MAGI2: variants seen among roughly 807,000 people sequenced by gnomAD.
MAGI2 encodes membrane associated guanylate kinase, WW and PDZ domain containing 2.
In MAGI2, 35 loss-of-function variants were observed where a neutral mutation model predicts 133.3. That is an observed-to-expected ratio of 0.26 (90% CI 0.20 to 0.35). The LOEUF (loss-of-function observed/expected upper bound fraction) is 0.35. Among genes scored for constraint, MAGI2 ranks in the 10% least tolerant of loss-of-function variants. The pLI is 1.00. For missense variants in MAGI2, 1,636 were observed against 1,863.4 expected, an observed-to-expected ratio of 0.88 and a Z score of 2.25; for synonymous variants, 729 against 710.6, an observed-to-expected ratio of 1.03 and a Z score of -0.41.
intron 1 of MAGI2, among the ~76,000 whole-genome samples, chr7:79,437,122 C>A (rs1380418983): frequency 1.3e-5 from 2 of 152,046 alleles, no homozygotes; most frequent in African/African-American, 4.8e-5. Context: ...CATATTATCA[C>A]TTATAAGTGG....
intron 2 of MAGI2, among the ~76,000 whole-genome samples, chr7:78,702,969 T>C (rs1006876067): frequency 3.3e-5 from 5 of 151,920 alleles, no homozygotes; most frequent in Non-Finnish European, 7.4e-5. Flanking sequence ...CAAGAAGAGT[T>C]TGTGGAGAAA....
At chr7:78,999,733 G>T (rs1806667277) in intron 2 of MAGI2, among the ~76,000 whole-genome samples, 2 of 152,106 alleles carry the variant, frequency 1.3e-5, no homozygotes, top group African/African-American at 4.8e-5. Flanking sequence ...CCTTGGTCTA[G>T]CCTCCCAGGC....
rs114255495 is a variant in MAGI2, at chr7:78,677,122, T to C, written c.419-49883A>G. Among the ~76,000 whole-genome samples, 747 of 152,198 alleles carry C rather than the reference T, an allele frequency of 4.9e-3. 13 individuals carry two copies. Among genetic ancestry groups the C allele is most frequent in the African/African-American group, 0.017 (702 of 41,558 alleles). ...TTAAAAGTAGATTGACAGGAAAATG[T>C]AAGTTGAGGTCCATTACATAGGGCC... On this transcript the variant is annotated intron_variant, in intron 2 of 21. Transcript: ENST00000354212.
intron 2 of MAGI2, among the ~76,000 whole-genome samples, chr7:78,932,866 T>C (rs1800240801): frequency 6.6e-6 from 1 of 152,144 alleles, no homozygotes; most frequent in Non-Finnish European, 1.5e-5. Flanking sequence ...CTTCATGTTA[T>C]TGACCAGGAA....
chr7:78,257,710 A>G (rs565277417), intron 9 of MAGI2, among the ~76,000 whole-genome samples: 3 of 152,176 alleles, frequency 2.0e-5, no homozygotes, highest in Non-Finnish European at 4.4e-5. Flanking sequence ...TGGTATTTTT[A>G]TCTTCACAAA....
intron 4 of MAGI2, among the ~76,000 whole-genome samples, chr7:78,515,237 T>C (rs1199447032): frequency 1.3e-5 from 2 of 152,196 alleles, no homozygotes; most frequent in African/African-American, 4.8e-5. Context: ...TTCAATCTTT[T>C]AAAAAATTCA....
chr7:78,340,344 C>A (rs1389046106), intron 9 of MAGI2, among the ~76,000 whole-genome samples: 2 of 151,950 alleles, frequency 1.3e-5, no homozygotes, highest in African/African-American at 4.8e-5. Flanking sequence ...TGTCCAGGAC[C>A]AGACAGATTC....
intron 1 of MAGI2, among the ~76,000 whole-genome samples, chr7:79,133,507 C>G (rs1821120970): frequency 6.6e-6 from 1 of 152,086 alleles, no homozygotes; most frequent in South Asian, 2.1e-4. Context: ...TCCATTGTCC[C>G]ATATCCTTAT....
Position 78,256,440 on chromosome 7 carries a change from T to G in MAGI2, c.1550A>C (p.Glu517Ala), listed in dbSNP as rs1039222787. 5.6e-6 allele frequency: 9 copies of G among 1,613,784 alleles called. No individual in the cohort carries two copies. Among genetic ancestry groups the G allele is most frequent in the Non-Finnish European group, 6.8e-6 (8 of 1,179,954 alleles). The change falls in exon 10 of 22, where the codon GAA (glutamate) becomes GCA (alanine). Residue 517 changes from glutamate to alanine, a missense_variant. This residue lies in a region of MAGI2 where 920 missense variants were observed against 1,093.5 expected (regional missense o/e 0.84). Coordinates refer to ENST00000354212, the MANE Select transcript of MAGI2 (RefSeq NM_012301.4). ...CRGYPLPFDP[E>A]DPANSMVPPL... ...TGGCACCATGCTGTTAGCAGGGTCT[T>G]CAGGATCAAAGGGCAAAGGGTAGCC...
chr7:78,673,362 C>T (rs1276860123), intron 2 of MAGI2, among the ~76,000 whole-genome samples: 2 of 151,710 alleles, frequency 1.3e-5, no homozygotes, highest in African/African-American at 2.4e-5. Flanking sequence ...TTGGCTCACA[C>T]AATTATGAAG....
At chr7:79,077,580 A>G (rs1815608806) in intron 1 of MAGI2, among the ~76,000 whole-genome samples, 2 of 126,894 alleles carry the variant, frequency 1.6e-5, no homozygotes, top group East Asian at 4.4e-4. Flanking sequence ...CTCTCAAAAA[A>G]AAAAAAAAAA....
intron 21 of MAGI2, among the ~76,000 whole-genome samples, chr7:78,077,336 G>T (rs1313143684): frequency 6.6e-6 from 1 of 151,982 alleles, no homozygotes; most frequent in African/African-American, 2.4e-5. Flanking sequence ...TATTCCAAGA[G>T]TTCAGATTCT....
chr7:78,121,093 GA>G (rs997104119), intron 20 of MAGI2, among the ~76,000 whole-genome samples: 1 of 148,574 alleles, frequency 6.7e-6, no homozygotes, highest in Non-Finnish European at 1.5e-5. Flanking sequence ...ATCATACAGA[GA>G]AATCAACTGT....
chr7:79,386,169 G>T (rs565371033), intron 1 of MAGI2, among the ~76,000 whole-genome samples: 1 of 151,720 alleles, frequency 6.6e-6, no homozygotes, highest in African/African-American at 2.4e-5. Context: ...TTATACTAAT[G>T]GTTACATTTT....
At chr7:78,426,827 A>G (rs1328264106) in intron 6 of MAGI2, among the ~76,000 whole-genome samples, 1 of 152,188 alleles carries the variant, frequency 6.6e-6, no homozygotes, top group Non-Finnish European at 1.5e-5. Flanking sequence ...TAGGCACATG[A>G]TGATTAAACT....
intron 1 of MAGI2, among the ~76,000 whole-genome samples, chr7:79,304,897 G>A (rs752631076): frequency 5.3e-5 from 8 of 152,166 alleles, no homozygotes; most frequent in Non-Finnish European, 1.0e-4. Context: ...GTTTAATGGT[G>A]TCAACCAGGA....
rs1562961091 is a variant in MAGI2, at chr7:79,171,756, ATATATATATATATATTTTT to A, written c.302-164569_302-164551del. On this transcript the variant is annotated intron_variant, in intron 1 of 21. Transcript: ENST00000354212. Reference sequence around the variant, plus strand: ...ACAATAGCCAAAAATATATATATATATATATATATATATATTTTTTTTTTTTTTTTCTTTTAAAGGGTCT... The same window carrying A: ...ACAATAGCCAAAAATATATATATATATTTTTTTTTTTCTTTTAAAGGGTCT... Among the ~76,000 whole-genome samples the A allele has an allele frequency of 8.4e-4, 26 of 30,894 alleles. 1 individual carries two copies. The highest frequency in any genetic ancestry group is 2.0e-3 in the African/African-American group (25 of 12,732). The allele number at this position is 30,894 out of a possible 152,430, so 20.3% of individuals were successfully genotyped here.
intron 2 of MAGI2, among the ~76,000 whole-genome samples, chr7:78,665,007 C>G (rs1027168766): frequency 6.6e-6 from 1 of 152,006 alleles, no homozygotes; most frequent in South Asian, 2.1e-4. Context: ...TTGTTATAAG[C>G]ATGATTTTGG....
intron 12 of MAGI2, 111 bp from the exon 13 acceptor site, chr7:78,185,781 T>TA: frequency 1.4e-6 from 1 of 735,156 alleles, no homozygotes; most frequent in Non-Finnish European, 2.2e-6. Context: ...ATCTCATACT[T>TA]ATGTTTAAGA....
Sources: allele counts gnomAD v4.1 joint callset (sites outside exome capture counted in the v4.1 genomes callset), GRCh38; gene constraint gnomAD v4.1.1; regional missense constraint gnomAD v4.1.1; transcripts MANE v1.5; gene names NCBI Gene and HGNC (gene_info 2026-07-23, HGNC 2026-07-21).